The following HSPA4 variants were observed in gnomAD, a reference collection of about 807,000 sequenced individuals.
The protein encoded by HSPA4 is heat shock 70 kDa protein 4.
In HSPA4, 25 loss-of-function variants were observed where a neutral mutation model predicts 106.2. The observed-to-expected ratio is 0.24, with a 90% CI of 0.17 to 0.33. The LOEUF (loss-of-function observed/expected upper bound fraction) is 0.33. Ranked by LOEUF, HSPA4 falls within the 10% of genes least tolerant of loss-of-function variation. The pLI, the probability that HSPA4 is intolerant of heterozygous loss-of-function variation, is 1.00. For missense variants in HSPA4, 841 were observed against 996.0 expected (o/e 0.84, Z 2.10); for synonymous variants, 332 against 333.6 (o/e 1.00, Z 0.05).
At chr5:133,062,843 A>C (rs1167586480) in intron 1 of HSPA4, among the ~76,000 whole-genome samples, 5 of 152,124 alleles carry the variant, frequency 3.3e-5, no homozygotes, top group Admixed American at 1.3e-4. Flanking sequence ...GTTGTGAAGG[A>C]CCACTGAAGC....
rs766468777 is a variant in HSPA4 at position 133,073,277 on chromosome 5, A to G, written c.477A>G (p.Ala159=). 1 of 1,613,030 alleles carries G rather than the reference A, an allele frequency of 6.2e-7. No individual in the cohort carries two copies. The highest frequency in any genetic ancestry group is 1.1e-5 in the South Asian group (1 of 90,936). Residue 159 remains alanine, a synonymous_variant, in exon 5 of 19, where the codon GCA becomes GCG. Coordinates refer to ENST00000304858, the MANE Select transcript of HSPA4 (RefSeq NM_002154.4). ...CAGAAAGACGATCAGTGATGGATGCAACACAGATTGCTGGTCTTAATTGCT... is the reference window on the plus strand; with the variant it reads ...CAGAAAGACGATCAGTGATGGATGCGACACAGATTGCTGGTCTTAATTGCT... ...TDAERRSVMD[A]TQIAGLNCLR... is the part of the protein sequence containing the mutation.
intron 3 of HSPA4, among the ~76,000 whole-genome samples, chr5:133,069,044 G>A (rs192101185): frequency 6.6e-6 from 1 of 152,132 alleles, no homozygotes; most frequent in East Asian, 1.9e-4. Flanking sequence ...AAGGTGGCAC[G>A]CAAGCTTGAG....
rs1765840635 is a variant in HSPA4, at chr5:133,105,085, T to G, written c.*649T>G. ...TAGAGTAAGTTGTTAACTGAGGGCT[T>G]TAAACCTGGAGGCTCTTCCTGAAAG... On this transcript the variant is annotated 3_prime_UTR_variant, in exon 19 of 19. Coordinates refer to ENST00000304858, the MANE Select transcript of HSPA4 (RefSeq NM_002154.4). The G allele has an allele frequency of 6.6e-6, 1 of 152,250 alleles. No homozygotes were observed. Among genetic ancestry groups the G allele is most frequent in the South Asian group, 2.1e-4 (1 of 4,826 alleles). The allele number at this position is 152,250 out of a possible 1,614,324, so 9.4% of individuals were successfully genotyped here. A position where few individuals can be genotyped will look rare whatever the true frequency, so the allele number is the denominator to read the frequency against.
chr5:133,069,788 T>C (rs1420384790), intron 3 of HSPA4, among the ~76,000 whole-genome samples: 1 of 152,186 alleles, frequency 6.6e-6, no homozygotes, highest in East Asian at 1.9e-4. Context: ...TGAGCTACAC[T>C]GATTTGTCTT....
rs201494139 is a variant in HSPA4 at position 133,088,492 on chromosome 5, C to T, written c.1074C>T (p.Phe358=). Residue 358 remains phenylalanine, a synonymous_variant, in exon 9 of 19, where the codon TTC becomes TTT. Transcript: ENST00000304858. ...PAVKEKISKF[F]GKELSTTLNA... ...TAAAAGAGAAGATCAGCAAATTTTTCGGTAAAGAACTTAGTACAACATTAA... is the reference window on the plus strand; with the variant it reads ...TAAAAGAGAAGATCAGCAAATTTTTTGGTAAAGAACTTAGTACAACATTAA... The T allele has an allele frequency of 8.2e-5, 132 of 1,613,536 alleles. No homozygotes were observed. The highest frequency in any genetic ancestry group is 1.6e-4 in the Middle Eastern group (1 of 6,084).
chr5:133,102,913 C>CTTTTTTTTTTTTTTTTTTTTTTTTTTT lies in HSPA4; in HGVS notation c.2158-935_2158-934insTTTTTTTTTTTTTTTTTTTTTTTTTTT, dbSNP rs533273263. 1.4e-4 allele frequency among the ~76,000 whole-genome samples: 14 copies of CTTTTTTTTTTTTTTTTTTTTTTTTTTT among 103,298 alleles called. 1 individual carries two copies. Among genetic ancestry groups the CTTTTTTTTTTTTTTTTTTTTTTTTTTT allele is most frequent in the Non-Finnish European group, 2.0e-4 (11 of 54,164 alleles). The allele number at this position is 103,298 out of a possible 152,430, so 67.8% of individuals were successfully genotyped here. On this transcript the variant is annotated intron_variant, in intron 17 of 18. Coordinates refer to ENST00000304858, the MANE Select transcript of HSPA4 (RefSeq NM_002154.4). ...TACCACCACACCCAACTAGGGTTGT[C>CTTTTTTTTTTTTTTTTTTTTTTTTTTT]TTTTTTTTTTTTTTTTTGAGATGGC...
Position 133,059,631 on chromosome 5 carries a change from T to A in HSPA4, c.108-5349T>A, listed in dbSNP as rs546461178. Among the ~76,000 whole-genome samples, 5 of 152,002 alleles carry A rather than the reference T, an allele frequency of 3.3e-5. No homozygotes were observed. In the East Asian group the frequency reaches 9.7e-4, roughly 29 times the overall value. On this transcript the variant is annotated intron_variant, in intron 1 of 18. Coordinates refer to ENST00000304858, the MANE Select transcript of HSPA4 (RefSeq NM_002154.4). ...CCCTGTCTCAAAACCAGAAAAAAAA[T>A]CCAAAATGTGTGTATACGTGGGGTT...
At chr5:133,068,118 T>C (rs912286415) in intron 3 of HSPA4, among the ~76,000 whole-genome samples, 2 of 151,952 alleles carry the variant, frequency 1.3e-5, no homozygotes, top group African/African-American at 4.8e-5. Flanking sequence ...GGTCTCGAAC[T>C]CCTGACCTTG....
chr5:133,058,389 A>C (rs1260597253), intron 1 of HSPA4, among the ~76,000 whole-genome samples: 2 of 152,168 alleles, frequency 1.3e-5, no homozygotes, highest in Non-Finnish European at 2.9e-5. Context: ...CTTAAAAAAC[A>C]TAACGGGGCT....
At position 133,073,242 on chromosome 5, in the gene HSPA4, T is replaced by C; in HGVS notation, c.442T>C (p.Tyr148His). Residue 148 changes from tyrosine (Y) to histidine (H), a missense_variant, in exon 5 of 19, where the codon TAT (tyrosine) becomes CAT (histidine). Physicochemically the swap from Tyr to His is moderately conservative, Grantham distance 83 (BLOSUM62 2). Around this residue, in one of 5 missense-constraint regions of HSPA4, gnomAD observed 347 missense variants for 408.7 expected, o/e 0.85. Coordinates refer to ENST00000304858, the MANE Select transcript of HSPA4 (RefSeq NM_002154.4). ...VDCVVSVPCF[Y>H]TDAERRSVMD... The stretch of plus-strand genomic sequence containing the variant: ...TTTTTTTTTGTAGGTTCCTTGTTTC[T>C]ATACTGATGCAGAAAGACGATCAGT... 1.3e-6 allele frequency: 2 copies of C among 1,599,698 alleles called. No individual in the cohort carries two copies. The highest frequency in any genetic ancestry group is 1.7e-6 in the Non-Finnish European group (2 of 1,172,168).
intron 4 of HSPA4, 102 bp downstream of exon 4, chr5:133,070,598 T>C (rs111758373): frequency 0.017 from 24,506 of 1,402,512 alleles, 301 homozygotes; most frequent in Middle Eastern, 0.038. Flanking sequence ...CAGGTTGTAA[T>C]GGTTATTTAA....
chr5:133,096,060 G>A, intron 13 of HSPA4, 38 bp from the exon 14 acceptor site: 2 of 1,589,412 alleles, frequency 1.3e-6, no homozygotes, highest in South Asian at 2.3e-5. Context: ...AAGGTAGTCT[G>A]TATATGTGTT....
chr5:133,103,756 A>AT, intron 17 of HSPA4, 109 bp from the exon 18 acceptor site: 3 of 883,426 alleles, frequency 3.4e-6, no homozygotes, highest in Non-Finnish European at 5.2e-6. Flanking sequence ...AATATGCTTT[A>AT]TTTTTTGAAA....
intron 1 of HSPA4, among the ~76,000 whole-genome samples, chr5:133,062,367 A>G (rs558843756): frequency 1.3e-5 from 2 of 152,284 alleles, no homozygotes; most frequent in East Asian, 3.9e-4. Context: ...CCTTTTAGTT[A>G]TGTTGTGATT....
intron 12 of HSPA4, among the ~76,000 whole-genome samples, chr5:133,092,285 A>C (rs910723704): frequency 1.3e-5 from 2 of 152,212 alleles, no homozygotes; most frequent in Non-Finnish European, 2.9e-5. Context: ...TTTGAGGATG[A>C]AGAGAGGCTG....
chr5:133,072,712 A>G (rs1765400148), intron 4 of HSPA4, among the ~76,000 whole-genome samples: 1 of 151,904 alleles, frequency 6.6e-6, no homozygotes, highest in Non-Finnish European at 1.5e-5. Context: ...TGGCTAGTCC[A>G]TGGTTTTCAT....
chr5:133,069,281 A>G (rs1239989329), intron 3 of HSPA4, among the ~76,000 whole-genome samples: 1 of 150,200 alleles, frequency 6.7e-6, no homozygotes, highest in South Asian at 2.1e-4. Flanking sequence ...AGACAATATC[A>G]CTGTGTCACC....
intron 13 of HSPA4, among the ~76,000 whole-genome samples, chr5:133,093,803 A>G (rs1048209259): frequency 2.0e-5 from 3 of 152,126 alleles, no homozygotes; most frequent in Non-Finnish European, 4.4e-5. Context: ...CTTTTAATAA[A>G]AAGGCATGGG....
chr5:133,104,905 C>G lies in HSPA4; in HGVS notation c.*469C>G, dbSNP rs535150945. 6.0e-6 allele frequency: 1 copy of G among 166,308 alleles called. No individual in the cohort carries two copies. Among genetic ancestry groups the G allele is most frequent in the Non-Finnish European group, 1.3e-5 (1 of 76,600 alleles). The allele number at this position is 166,308 out of a possible 1,614,324, so 10.3% of individuals were successfully genotyped here. ...TCTTTGTGAGGGCTGGAGCATGGCA[C>G]GGCATGGATTAACACGGCAGAGGAA... On this transcript the variant is annotated 3_prime_UTR_variant, in exon 19 of 19. Coordinates refer to ENST00000304858, the MANE Select transcript of HSPA4 (RefSeq NM_002154.4).
Sources: gnomAD v4.1 joint callset for allele counts (sites outside exome capture counted in the v4.1 genomes callset) on GRCh38, gnomAD v4.1.1 for gene constraint, gnomAD v4.1.1 regional missense constraint, MANE v1.5 for transcripts, NCBI Gene and HGNC (gene_info 2026-07-23, HGNC 2026-07-21) for gene names.